The following ZFHX3 variants were observed in gnomAD, a reference collection of about 807,000 sequenced individuals.
ZFHX3 encodes zinc finger homeobox 3, also known as zinc finger homeobox protein 3.
ZFHX3 carries 42 observed loss-of-function variants against 279.1 expected under a neutral mutation model. The ratio of observed to expected loss-of-function variants is 0.15; its 90% confidence interval spans 0.12 to 0.19. The LOEUF (loss-of-function observed/expected upper bound fraction) is 0.19, where lower values mean the gene tolerates loss of function less well. ZFHX3 is among the 10% of genes least tolerant of loss of function. The pLI is 1.00. For missense variants in ZFHX3, 4,981 were observed against 4,754.0 expected, an observed-to-expected ratio of 1.05 and a Z score of -1.40; for synonymous variants, 2,293 against 1,957.8, an observed-to-expected ratio of 1.17 and a Z score of -4.52.
At chr16:73,712,372 G>C (rs1374658010) in intron 1 of ZFHX3, among the ~76,000 whole-genome samples, 1 of 152,140 alleles carries the variant, frequency 6.6e-6, no homozygotes, top group African/African-American at 2.4e-5. Flanking sequence ...CTCCTCAGTG[G>C]GTTATCAGGG....
intron 1 of ZFHX3, among the ~76,000 whole-genome samples, chr16:73,817,090 G>A (rs1485664485): frequency 6.6e-6 from 1 of 152,198 alleles, no homozygotes; most frequent in African/African-American, 2.4e-5. Flanking sequence ...TGAGGAAGGA[G>A]AAGGAGTAAT....
At chr16:73,852,651 C>A (rs1961619403) in intron 1 of ZFHX3, among the ~76,000 whole-genome samples, 1 of 152,180 alleles carries the variant, frequency 6.6e-6, no homozygotes, top group East Asian at 1.9e-4. Context: ...TCCTTCAGCC[C>A]TGACTCCTTT....
At chr16:73,797,243 A>T (rs1201382389) in intron 1 of ZFHX3, among the ~76,000 whole-genome samples, 1 of 152,110 alleles carries the variant, frequency 6.6e-6, no homozygotes, top group East Asian at 1.9e-4. Context: ...ACAAAACAGA[A>T]GTAGTGAAGC....
chr16:73,302,483 C>T (rs2015078603), intron 4 of ZFHX3, among the ~76,000 whole-genome samples: 1 of 152,226 alleles, frequency 6.6e-6, no homozygotes, highest in Admixed American at 6.5e-5. Flanking sequence ...AATACTGCGG[C>T]TTCCACCAGT....
chr16:73,760,185 T>A (rs553016459), intron 1 of ZFHX3, among the ~76,000 whole-genome samples: 1 of 152,108 alleles, frequency 6.6e-6, no homozygotes, highest in Non-Finnish European at 1.5e-5. Context: ...CTACAAATTC[T>A]AGAAGAAATG....
At chr16:73,377,284 T>C (rs1292853955) in intron 3 of ZFHX3, among the ~76,000 whole-genome samples, 2 of 152,164 alleles carry the variant, frequency 1.3e-5, no homozygotes, top group Admixed American at 6.5e-5. Flanking sequence ...CGGCTACTTT[T>C]GATTGCTGCA....
At chr16:73,434,170 G>C (rs541444908) in intron 3 of ZFHX3, among the ~76,000 whole-genome samples, 1 of 152,132 alleles carries the variant, frequency 6.6e-6, no homozygotes, top group Non-Finnish European at 1.5e-5. Flanking sequence ...TCTTGGACTC[G>C]AAAGTTGACA....
chr16:73,582,889 G>C (rs1323405924), intron 2 of ZFHX3, among the ~76,000 whole-genome samples: 2 of 152,080 alleles, frequency 1.3e-5, no homozygotes, highest in Non-Finnish European at 2.9e-5. Context: ...TACATGCTCA[G>C]ATTTGGGAGT....
intron 1 of ZFHX3, among the ~76,000 whole-genome samples, chr16:73,823,793 G>C (rs1206561556): frequency 1.3e-5 from 2 of 152,200 alleles, no homozygotes; most frequent in Non-Finnish European, 2.9e-5. Context: ...AATGGGACAA[G>C]AGAAAAAGTA....
At chr16:73,125,126 A>G (rs1966547019) in intron 7 of ZFHX3, 1 of 151,478 alleles carries the variant, frequency 6.6e-6, no homozygotes, top group Middle Eastern at 3.4e-3. Flanking sequence ...GCACCCAGTC[A>G]CTGTTTGCTG....
chr16:73,276,045 A>C (rs1178411173), intron 4 of ZFHX3, among the ~76,000 whole-genome samples: 1 of 151,988 alleles, frequency 6.6e-6, no homozygotes, highest in Admixed American at 6.6e-5. Flanking sequence ...TCCATGCCCC[A>C]TTTTTAAAAC....
chr16:73,178,264 A>T (rs1019840367), intron 5 of ZFHX3, among the ~76,000 whole-genome samples: 3 of 151,370 alleles, frequency 2.0e-5, no homozygotes, highest in Non-Finnish European at 4.4e-5. Context: ...CAGCCTCCTG[A>T]GTAGCTAGGA....
At chr16:73,254,642 A>C (rs1412093124) in intron 5 of ZFHX3, among the ~76,000 whole-genome samples, 5 of 152,100 alleles carry the variant, frequency 3.3e-5, no homozygotes, top group Non-Finnish European at 7.3e-5. Context: ...TAAAACCAAG[A>C]AATTGACATC....
chr16:73,201,056 C>G (rs891279497), intron 5 of ZFHX3, among the ~76,000 whole-genome samples: 1 of 152,138 alleles, frequency 6.6e-6, no homozygotes, highest in Non-Finnish European at 1.5e-5. Flanking sequence ...TTGGTTTGGG[C>G]AGGGCAGACC....
chr16:73,557,143 T>TGAG (rs10677905), intron 2 of ZFHX3, among the ~76,000 whole-genome samples: 16,833 of 143,076 alleles, frequency 0.12, 3,470 homozygotes, highest in African/African-American at 0.42. Context: ...CTGAGACAGC[T>TGAG]GAGGACCCCA....
intron 4 of ZFHX3, among the ~76,000 whole-genome samples, chr16:72,884,175 C>G (rs2038565802): frequency 6.6e-6 from 1 of 152,228 alleles, no homozygotes; most frequent in Non-Finnish European, 1.5e-5. Flanking sequence ...CACCCTGAAA[C>G]TTGGTTTAAA....
chr16:73,195,650 C>G (rs963942493), intron 5 of ZFHX3, among the ~76,000 whole-genome samples: 1 of 152,082 alleles, frequency 6.6e-6, no homozygotes, highest in Admixed American at 6.5e-5. Context: ...AATTCCTGAC[C>G]TTGTGATCCA....
intron 1 of ZFHX3, among the ~76,000 whole-genome samples, chr16:73,730,705 G>C (rs1056830252): frequency 6.6e-6 from 1 of 152,308 alleles, no homozygotes; most frequent in South Asian, 2.1e-4. Context: ...CAACAGGACG[G>C]AAAGAACTTG....
At chr16:73,204,294 T>A (rs2011715375) in intron 5 of ZFHX3, among the ~76,000 whole-genome samples, 1 of 150,748 alleles carries the variant, frequency 6.6e-6, no homozygotes, top group South Asian at 2.1e-4. Flanking sequence ...ATTATTATTA[T>A]ATTCATTATA....
Sources: allele counts gnomAD v4.1 joint callset (sites outside exome capture counted in the v4.1 genomes callset), GRCh38; gene constraint gnomAD v4.1.1; transcripts MANE v1.5; gene names NCBI Gene and HGNC (gene_info 2026-07-23, HGNC 2026-07-21).